The following NOS1 variants were observed in gnomAD, a reference collection of about 807,000 sequenced individuals.
NOS1 encodes nitric oxide synthase 1.
In NOS1, 51 loss-of-function variants were observed where a neutral mutation model predicts 164.5. The observed-to-expected ratio is 0.31, with a 90% CI of 0.25 to 0.39. NOS1 has a LOEUF of 0.39. Ranked by LOEUF, NOS1 falls within the 10% of genes least tolerant of loss-of-function variation. NOS1 has a pLI of 1.00. For missense variants in NOS1, 1,362 were observed against 1,885.6 expected (o/e 0.72, Z 5.14); for synonymous variants, 719 against 745.8 (o/e 0.96, Z 0.59).
intron 3 of NOS1, among the ~76,000 whole-genome samples, chr12:117,301,441 G>A (rs1873809707): frequency 6.6e-6 from 1 of 152,158 alleles, no homozygotes; most frequent in Non-Finnish European, 1.5e-5. Context: ...TTCATTTTGA[G>A]TAACATTCAG....
At chr12:117,278,470 G>C (rs2136006622) in intron 8 of NOS1, among the ~76,000 whole-genome samples, 1 of 152,264 alleles carries the variant, frequency 6.6e-6, no homozygotes, top group Admixed American at 6.5e-5. Context: ...AGAGGGCAAG[G>C]GCTGAACCTG....
rs202177894 is a variant in NOS1 at position 117,268,064 on chromosome 12, G to A, written c.1920C>T (p.Ile640=). 6.0e-5 allele frequency: 97 copies of A among 1,613,594 alleles called. No individual in the cohort carries two copies. The highest frequency in any genetic ancestry group is 5.0e-4 in the Middle Eastern group (3 of 6,038). The change falls in exon 11 of 29, where the codon ATC becomes ATT. Residue 640 remains isoleucine, a synonymous_variant. Coordinates refer to ENST00000317775, the MANE Select transcript of NOS1 (RefSeq NM_000620.5). The part of the protein sequence containing the change: ...WKDQALVEIN[I]AVLYSFQSDK... ...TTACCTGGAAGCTATAGAGAACCGC[G>A]ATATTGATCTCCACCAGCGCCTGGT...
chr12:117,283,335 T>A (rs1257175892), intron 7 of NOS1, among the ~76,000 whole-genome samples: 1 of 152,196 alleles, frequency 6.6e-6, no homozygotes, highest in East Asian at 1.9e-4. Flanking sequence ...TTGCTGGGAT[T>A]TCGGGCGTGA....
intron 1 of NOS1, among the ~76,000 whole-genome samples, chr12:117,360,897 C>G (rs1877111023): frequency 6.6e-6 from 1 of 152,178 alleles, no homozygotes; most frequent in African/African-American, 2.4e-5. Flanking sequence ...CGGAGCCAAG[C>G]GCGCGGCTGA....
chr12:117,283,056 A>ATATATATTT (rs1360367568), intron 7 of NOS1, among the ~76,000 whole-genome samples: 3 of 92,954 alleles, frequency 3.2e-5, no homozygotes, highest in African/African-American at 1.1e-4. Context: ...ATATATATAT[A>ATATATATTT]TTTTTTTTTT....
Position 117,280,728 on chromosome 12 carries a change from T to C in NOS1, c.1521A>G (p.Thr507=). Reference sequence around the variant, plus strand: ...TAGGGGGCGGAAACGCTCGCACCTCTGTGAACTGCACATTGGCTGGGTCCC... The same window carrying C: ...TAGGGGGCGGAAACGCTCGCACCTCCGTGAACTGCACATTGGCTGGGTCCC... ...TLGDPANVQF[T]EICIQQGWKP... The change falls in exon 8 of 29, where the codon ACA becomes ACG. Residue 507 remains threonine, a synonymous_variant. Coordinates refer to ENST00000317775, the MANE Select transcript of NOS1 (RefSeq NM_000620.5). 1.2e-6 allele frequency: 2 copies of C among 1,613,962 alleles called. No homozygotes were observed. Among genetic ancestry groups the C allele is most frequent in the South Asian group, 2.2e-5 (2 of 91,056 alleles).
intron 1 of NOS1, among the ~76,000 whole-genome samples, chr12:117,359,580 C>T (rs960967481): frequency 1.3e-5 from 2 of 152,186 alleles, no homozygotes; most frequent in Admixed American, 6.5e-5. Context: ...CGCCTATGGG[C>T]GCGCTCGCCT....
intron 3 of NOS1, among the ~76,000 whole-genome samples, chr12:117,302,972 C>T (rs1400082519): frequency 2.0e-5 from 3 of 152,290 alleles, no homozygotes; most frequent in East Asian, 3.9e-4. Flanking sequence ...TCTCGAACTC[C>T]TGATCTCAAG....
chr12:117,311,684 T>C (rs1239772303), intron 2 of NOS1, 92 bp from the exon 3 acceptor site: 10 of 1,369,428 alleles, frequency 7.3e-6, no homozygotes, highest in Non-Finnish European at 2.0e-6. Context: ...GTACAGAACC[T>C]CAGTAGCTCA....
intron 21 of NOS1, among the ~76,000 whole-genome samples, chr12:117,233,592 A>C (rs1348593084): frequency 6.6e-6 from 1 of 151,506 alleles, no homozygotes; most frequent in Non-Finnish European, 1.5e-5. Context: ...GGATTACCTG[A>C]GATCAGGAGT....
At chr12:117,307,956 A>G (rs1250032858) in intron 3 of NOS1, among the ~76,000 whole-genome samples, 2 of 151,526 alleles carry the variant, frequency 1.3e-5, no homozygotes, top group Non-Finnish European at 2.9e-5. Context: ...CGGAGGTTGC[A>G]GTGAGCAGAG....
chr12:117,227,677 C>T (rs772515809), intron 22 of NOS1, 36 bp from the exon 23 acceptor site: 16 of 1,604,478 alleles, frequency 1.0e-5, no homozygotes, highest in Middle Eastern at 1.6e-4. Flanking sequence ...AAGCTTGAAC[C>T]CAGCTGCCAC....
rs1486411553 is a variant in NOS1, at chr12:117,212,141, C to T, written c.*3168G>A. 9.1e-6 allele frequency: 9 copies of T among 985,334 alleles called. No individual in the cohort carries two copies. The highest frequency in any genetic ancestry group is 4.7e-5 in the South Asian group (1 of 21,278). 61.0% of individuals were successfully genotyped at this position (985,334 alleles called of 1,614,324 possible). On this transcript the variant is annotated 3_prime_UTR_variant, in exon 29 of 29. Transcript: ENST00000317775. ...ATCTCTGCAAACTGCCCGGTGCCTT[C>T]CACACACTGGAGAAGCAAGACATGT...
chr12:117,235,284 T>A (rs1291285216), intron 20 of NOS1, among the ~76,000 whole-genome samples: 1 of 152,104 alleles, frequency 6.6e-6, no homozygotes, highest in African/African-American at 2.4e-5. Context: ...CAGTGGCTGG[T>A]TCCTAGGGTT....
chr12:117,230,495 T>C (rs965745211), intron 22 of NOS1, among the ~76,000 whole-genome samples: 3 of 152,234 alleles, frequency 2.0e-5, no homozygotes, highest in Non-Finnish European at 4.4e-5. Flanking sequence ...CTAAATACTA[T>C]GCACTCGCTA....
chr12:117,360,564 G>T (rs1316085061), intron 1 of NOS1, among the ~76,000 whole-genome samples: 1 of 152,262 alleles, frequency 6.6e-6, no homozygotes, highest in East Asian at 1.9e-4. Flanking sequence ...AGTGAGAGGT[G>T]CGGGCGGCCC....
intron 5 of NOS1, among the ~76,000 whole-genome samples, chr12:117,287,129 G>A (rs763424931): frequency 8.6e-5 from 13 of 152,024 alleles, no homozygotes; most frequent in African/African-American, 2.7e-4. Context: ...GCAGAGAATC[G>A]CTTGAGTCTG....
chr12:117,230,443 A>C (rs910534150), intron 22 of NOS1, among the ~76,000 whole-genome samples: 1 of 152,208 alleles, frequency 6.6e-6, no homozygotes, highest in Non-Finnish European at 1.5e-5. Context: ...GTAACTACTT[A>C]CAGCCCTTTA....
intron 11 of NOS1, among the ~76,000 whole-genome samples, chr12:117,267,315 C>T (rs766038369): frequency 1.3e-5 from 2 of 152,148 alleles, no homozygotes; most frequent in African/African-American, 2.4e-5. Flanking sequence ...GGTGGCCAGG[C>T]GTGATTCACG....
Sources: allele counts gnomAD v4.1 joint callset (sites outside exome capture counted in the v4.1 genomes callset), GRCh38; gene constraint gnomAD v4.1.1; transcripts MANE v1.5; gene names NCBI Gene and HGNC (gene_info 2026-07-23, HGNC 2026-07-21).